RAB3GAP1: variants seen among roughly 807,000 people sequenced by gnomAD.
The protein encoded by RAB3GAP1 is rab3 GTPase-activating protein catalytic subunit.
In RAB3GAP1, 86 loss-of-function variants were observed where a neutral mutation model predicts 130.7. The ratio of observed to expected loss-of-function variants is 0.66; its 90% CI spans 0.55 to 0.79. RAB3GAP1 has a LOEUF of 0.79. Among genes scored for constraint, RAB3GAP1 ranks in the 30% least tolerant of loss-of-function variants. The pLI, the probability that RAB3GAP1 is intolerant of heterozygous loss-of-function variation, is 0.00. For synonymous variants in RAB3GAP1, 367 were observed against 401.7 expected (o/e 0.91, Z 1.03); for missense variants, 1,029 against 1,169.4 (o/e 0.88, Z 1.75).
At chr2:135,113,308 G>C in intron 6 of RAB3GAP1, 38 bp downstream of exon 6, 1 of 1,608,966 alleles carries the variant, frequency 6.2e-7, no homozygotes, top group Non-Finnish European at 8.5e-7. Flanking sequence ...CAAAAAAACT[G>C]TTTTTAACAA....
At chr2:135,094,068 A>G (rs1690223493) in intron 5 of RAB3GAP1, among the ~76,000 whole-genome samples, 1 of 152,110 alleles carries the variant, frequency 6.6e-6, no homozygotes, top group South Asian at 2.1e-4. Context: ...ATATACCAAA[A>G]TTTCAGGCTC....
rs1692449440 is a variant in RAB3GAP1 at position 135,160,903 on chromosome 2, A to AAGTTTATG, written c.2290-1651_2290-1644dup. ...GACTTATTCTGAAATTATTCGAAAC[A>AAGTTTATG]AGTTTATGTCTATAGTATGTACACA... On this transcript the variant is annotated intron_variant, in intron 19 of 23. Coordinates refer to ENST00000264158, the MANE Select transcript of RAB3GAP1 (RefSeq NM_012233.3). 2.6e-5 allele frequency among the ~76,000 whole-genome samples: 4 copies of AAGTTTATG among 152,122 alleles called. No homozygotes were observed. The South Asian group carries it at 8.3e-4, about 32-fold the overall frequency.
chr2:135,128,940 C>G (rs1020329382), intron 11 of RAB3GAP1, among the ~76,000 whole-genome samples: 2 of 152,136 alleles, frequency 1.3e-5, no homozygotes, highest in African/African-American at 4.8e-5. Context: ...TGCTTGAGCC[C>G]GGGAGTTTGA....
At position 135,132,935 on chromosome 2, in the gene RAB3GAP1, G is replaced by C. The variant is rs1391123730; in HGVS notation, c.1277G>C (p.Gly426Ala). The C allele has an allele frequency of 5.7e-6, 9 of 1,585,056 alleles. No homozygotes were observed. The African/African-American group carries it at 1.2e-4, about 21-fold the overall frequency. ...GCTGTTTCTGAGAAACCATTAGATG[G>C]AACTACTTCAACAGATAATAATAAT... is the stretch of plus-strand genomic sequence containing the variant. The part of the protein sequence containing the change: ...PDAVSEKPLD[G>A]TTSTDNNNPP... Residue 426 changes from glycine to alanine, a missense_variant, in exon 14 of 24, where the codon GGA (glycine) becomes GCA (alanine). Physicochemically the swap from Gly to Ala is moderately conservative, Grantham distance 60. This residue lies in a region of RAB3GAP1 where 510 missense variants were observed against 532.1 expected (regional missense o/e 0.96). Coordinates refer to ENST00000264158, the MANE Select transcript of RAB3GAP1 (RefSeq NM_012233.3).
At chr2:135,124,398 G>T in intron 9 of RAB3GAP1, 152 bp downstream of exon 9, 1 of 884,732 alleles carries the variant, frequency 1.1e-6, no homozygotes, top group South Asian at 1.5e-5. Flanking sequence ...CTGGGCACAG[G>T]CTCATGCCTG....
chr2:135,109,513 C>T (rs72978356), intron 5 of RAB3GAP1, among the ~76,000 whole-genome samples: 2,155 of 151,684 alleles, frequency 0.014, 55 homozygotes, highest in African/African-American at 0.05. Context: ...ATATGTAATT[C>T]GTTTGAGTTT....
chr2:135,126,079 C>A, intron 9 of RAB3GAP1, 102 bp from the exon 10 acceptor site: 1 of 843,532 alleles, frequency 1.2e-6, no homozygotes, highest in Non-Finnish European at 2.0e-6. Flanking sequence ...TAAATAATGC[C>A]ACTGTAACAT....
chr2:135,162,376 A>T, intron 19 of RAB3GAP1, 179 bp from the exon 20 acceptor site: 1 of 649,600 alleles, frequency 1.5e-6, no homozygotes, highest in Non-Finnish European at 2.8e-6. Context: ...ATTATTAAAG[A>T]TTGAAGTTCT....
At chr2:135,061,975 T>A (rs1689183942) in intron 3 of RAB3GAP1, among the ~76,000 whole-genome samples, 2 of 152,192 alleles carry the variant, frequency 1.3e-5, no homozygotes, top group Non-Finnish European at 2.9e-5. Flanking sequence ...TTCTGGAGTC[T>A]GTATTCTGTT....
At chr2:135,063,428 C>A (rs1689233594) in intron 3 of RAB3GAP1, among the ~76,000 whole-genome samples, 1 of 152,036 alleles carries the variant, frequency 6.6e-6, no homozygotes, top group Non-Finnish European at 1.5e-5. Flanking sequence ...ACATCCAGAA[C>A]TTTTTTCATC....
At chr2:135,096,472 TAAAC>T (rs1290726438) in intron 5 of RAB3GAP1, among the ~76,000 whole-genome samples, 2 of 152,208 alleles carry the variant, frequency 1.3e-5, no homozygotes, top group African/African-American at 2.4e-5. Context: ...ATTGTTCACT[TAAAC>T]AACTAAAAAA....
At chr2:135,120,789 C>T (rs1388392785) in intron 7 of RAB3GAP1, 30 bp from the exon 8 acceptor site, 1 of 1,444,358 alleles carries the variant, frequency 6.9e-7, no homozygotes, top group South Asian at 1.1e-5. Flanking sequence ...CCAGCATTTA[C>T]ACGGTATTGT....
chr2:135,084,232 C>T (rs1689913748), intron 3 of RAB3GAP1, among the ~76,000 whole-genome samples: 8 of 152,074 alleles, frequency 5.3e-5, no homozygotes. Flanking sequence ...GCAACAAGAG[C>T]GAAACTCCCT....
At chr2:135,081,327 A>AAAATAT (rs1363481112) in intron 3 of RAB3GAP1, among the ~76,000 whole-genome samples, 183 of 64,016 alleles carry the variant, frequency 2.9e-3, no homozygotes, top group South Asian at 5.7e-3. Context: ...AAAAAAAAAA[A>AAAATAT]ATATATATAT....
At chr2:135,173,142 T>A (rs1445726939), downstream of RAB3GAP1, among the ~76,000 whole-genome samples, 1 of 152,090 alleles carries the variant, frequency 6.6e-6, no homozygotes, top group Non-Finnish European at 1.5e-5. Flanking sequence ...ATTTTTAAAC[T>A]GCTAAATTTG....
chr2:135,121,046 A>G, intron 8 of RAB3GAP1, 128 bp downstream of exon 8: 1 of 774,196 alleles, frequency 1.3e-6, no homozygotes. Context: ...TTCATTTTAA[A>G]TGTAATATTA....
intron 7 of RAB3GAP1, among the ~76,000 whole-genome samples, chr2:135,116,103 A>G (rs1292741656): frequency 6.6e-6 from 1 of 152,178 alleles, no homozygotes; most frequent in East Asian, 1.9e-4. Flanking sequence ...AATTTGGAGT[A>G]TGTTAAGTGC....
chr2:135,148,194 G>A (rs1692056511), intron 17 of RAB3GAP1, among the ~76,000 whole-genome samples: 1 of 152,070 alleles, frequency 6.6e-6, no homozygotes, highest in East Asian at 1.9e-4. Context: ...CATTATAAGT[G>A]TACTTATATG....
At chr2:135,092,767 G>T (rs1690185076) in intron 4 of RAB3GAP1, among the ~76,000 whole-genome samples, 1 of 152,116 alleles carries the variant, frequency 6.6e-6, no homozygotes, top group Non-Finnish European at 1.5e-5. Context: ...GCTAGTTAAG[G>T]CATTGTTGCA....
Sources: allele counts gnomAD v4.1 joint callset (sites outside exome capture counted in the v4.1 genomes callset), GRCh38; gene constraint gnomAD v4.1.1; regional missense constraint gnomAD v4.1.1; transcripts MANE v1.5; gene names NCBI Gene and HGNC (gene_info 2026-07-23, HGNC 2026-07-21).